Variants in NXF2 observed in about 807,000 individuals in gnomAD.
NXF2 encodes nuclear RNA export factor 2.
At chrX:102,281,687 C>T (rs1331563439) in intron 2 of NXF2, among the ~76,000 whole-genome samples, 2 of 104,735 alleles carry the variant, frequency 1.9e-5, no homozygotes, top group Non-Finnish European at 3.9e-5. Context: ...GATGCCAGCA[C>T]TCCCTTGGCT....
chrX:102,252,417 G>A (rs1474342379), intron 2 of NXF2, among the ~76,000 whole-genome samples: 1 of 2,881 alleles, frequency 3.5e-4, no homozygotes, highest in Non-Finnish European at 7.2e-4. Context: ...TTTTCCAGAC[G>A]TCTCAGTTGT....
chrX:102,282,412 G>C (rs1167797141), intron 2 of NXF2, among the ~76,000 whole-genome samples: 3 of 114,607 alleles, frequency 2.6e-5, no homozygotes, highest in Non-Finnish European at 5.6e-5. Flanking sequence ...GCTGTGGCCA[G>C]GGGTGGGGGA....
At chrX:102,290,002 T>G (rs1174516946) in intron 2 of NXF2, among the ~76,000 whole-genome samples, 1 of 57,644 alleles carries the variant, frequency 1.7e-5, no homozygotes, top group Non-Finnish European at 3.5e-5. Flanking sequence ...AATCTATAAA[T>G]TACCTTGGGC....
chrX:102,281,661 G>A (rs1413833834), intron 2 of NXF2, among the ~76,000 whole-genome samples: 11 of 105,530 alleles, frequency 1.0e-4, no homozygotes, highest in Non-Finnish European at 1.9e-4. Flanking sequence ...GTGCAGCCTG[G>A]GGTTAGGGGA....
intron 2 of NXF2, among the ~76,000 whole-genome samples, chrX:102,298,837 A>G (rs782504594): frequency 2.4e-4 from 27 of 111,175 alleles, no homozygotes; most frequent in African/African-American, 8.5e-4. Context: ...AAGAAAGGTC[A>G]AGTATCATGA....
chrX:102,298,463 C>CCA (rs1934004063), intron 2 of NXF2, among the ~76,000 whole-genome samples: 1 of 38,803 alleles, frequency 2.6e-5, no homozygotes, highest in Admixed American at 3.9e-4. Context: ...GTGAGTTATG[C>CCA]AAAAAAAAAA....
intron 2 of NXF2, among the ~76,000 whole-genome samples, chrX:102,294,303 C>G: frequency 1.0e-5 from 1 of 97,116 alleles, no homozygotes; most frequent in Non-Finnish European, 2.0e-5. Flanking sequence ...CAGTGAAAAA[C>G]AATTATTATG....
At chrX:102,252,031 C>T (rs1195877109) in intron 2 of NXF2, among the ~76,000 whole-genome samples, 2 of 112,862 alleles carry the variant, frequency 1.8e-5, no homozygotes, top group African/African-American at 3.2e-5. Flanking sequence ...CTCGCTTTGT[C>T]GTCCAGGCTG....
chrX:102,266,626 A>G (rs1387953456), intron 2 of NXF2, among the ~76,000 whole-genome samples: 1 of 35,907 alleles, frequency 2.8e-5, no homozygotes, highest in African/African-American at 7.2e-5. Flanking sequence ...CCACAGAAAT[A>G]CAAACTACCA....
chrX:102,247,287 TGCC>T (rs1933803900), intron 1 of NXF2, 49 bp downstream of exon 1: 1 of 15,046 alleles, frequency 6.6e-5, no homozygotes, highest in Non-Finnish European at 9.4e-5. Flanking sequence ...TTTTCTTTTT[TGCC>T]TTTTTTTTTT....
chrX:102,282,019 C>T (rs1203061097), intron 2 of NXF2, among the ~76,000 whole-genome samples: 1 of 44,120 alleles, frequency 2.3e-5, no homozygotes, highest in African/African-American at 7.0e-5. Context: ...GGGGTTCCAC[C>T]GTGTTAGCCA....
chrX:102,282,642 T>G (rs1442533501), intron 2 of NXF2, among the ~76,000 whole-genome samples: 2 of 75,201 alleles, frequency 2.7e-5, no homozygotes, highest in Non-Finnish European at 5.1e-5. Flanking sequence ...GATATGTGGT[T>G]TTCGTTTTTA....
intron 2 of NXF2, among the ~76,000 whole-genome samples, chrX:102,252,061 C>T (rs1379035144): frequency 2.8e-5 from 3 of 107,933 alleles, no homozygotes; most frequent in Non-Finnish European, 5.8e-5. Context: ...GGCGCGATCT[C>T]GGCTCACTGC....
At chrX:102,251,795 C>T (rs1313333299) in intron 2 of NXF2, among the ~76,000 whole-genome samples, 1 of 77,075 alleles carries the variant, frequency 1.3e-5, no homozygotes, top group Non-Finnish European at 2.4e-5. Flanking sequence ...GCGATATGTG[C>T]TGCAAGTACT....
At chrX:102,248,695 G>C (rs868955480) in intron 2 of NXF2, 137 bp downstream of exon 2, 31 of 47,790 alleles carry the variant, frequency 6.5e-4, no homozygotes, top group Middle Eastern at 0.032. Flanking sequence ...TCCCACCCTA[G>C]TGTTATGGGG....
intron 2 of NXF2, among the ~76,000 whole-genome samples, chrX:102,298,997 A>G (rs1934013481): frequency 1.3e-5 from 1 of 75,352 alleles, no homozygotes; most frequent in African/African-American, 5.1e-5. Context: ...AAGTGTATAC[A>G]TTTAGAAAGA....
chrX:102,282,616 C>G (rs1602440824), intron 2 of NXF2, among the ~76,000 whole-genome samples: 2 of 83,224 alleles, frequency 2.4e-5, no homozygotes, highest in Admixed American at 2.7e-4. Flanking sequence ...AAAACCTCTT[C>G]TGCATCTATT....
rs1176337938 is a variant in NXF2, at chrX:102,293,524, CATATATATATATATATATATATATAT to C, written c.-53-13485_-53-13460del. Among the ~76,000 whole-genome samples the C allele has an allele frequency of 1.2e-3, 10 of 8,692 alleles. 1 individual carries two copies. The highest frequency in any genetic ancestry group is 7.9e-3 in the Admixed American group (3 of 379). The allele number at this position is 8,692 out of a possible 115,157, so 7.5% of individuals were successfully genotyped here. On this transcript the variant is annotated intron_variant, in intron 2 of 22. Coordinates refer to ENST00000625106, the MANE Select transcript of NXF2 (RefSeq NM_022053.4). ...GTACTTTTCTTTCTCTCTTTCTTTC[CATATATATATATATATATATATATAT>C]ATATATATATATATATTTAGTTTTG...
At chrX:102,293,525 A>G (rs1172696781) in intron 2 of NXF2, among the ~76,000 whole-genome samples, 14 of 1,079 alleles carry the variant, frequency 0.013, no homozygotes, top group African/African-American at 0.03. Flanking sequence ...CTTTCTTTCC[A>G]TATATATATA....
Sources: gnomAD v4.1 joint callset for allele counts (sites outside exome capture counted in the v4.1 genomes callset) on GRCh38, gnomAD v4.1.1 for gene constraint, MANE v1.5 for transcripts, NCBI Gene and HGNC (gene_info 2026-07-23, HGNC 2026-07-21) for gene names.